The following SNRK variants were observed in gnomAD, a reference collection of about 807,000 sequenced individuals.
SNRK encodes the protein SNF-related serine/threonine-protein kinase.
A neutral mutation model predicts 48.2 loss-of-function variants in SNRK; 3 were observed. The observed-to-expected ratio is 0.06, with a 90% CI of 0.03 to 0.16. The LOEUF (loss-of-function observed/expected upper bound fraction) is 0.16, where lower values mean the gene tolerates loss of function less well. SNRK is among the 10% of genes least tolerant of loss of function. SNRK has a pLI of 1.00. For synonymous variants in SNRK, 376 were observed against 366.1 expected (o/e 1.03, Z -0.31); for missense variants, 627 against 976.0 (o/e 0.64, Z 4.76).
Position 43,346,793 on chromosome 3 carries a change from G to T in SNRK, c.1080-546G>T, listed in dbSNP as rs1456026105. 4 of 152,034 alleles carry T rather than the reference G, an allele frequency of 2.6e-5. No homozygotes were observed. The East Asian group carries it at 7.7e-4, about 29-fold the overall frequency. 9.4% of individuals were successfully genotyped at this position (152,034 alleles called of 1,614,324 possible). ...CTTAGTTTTTTTTAATTGGAGAAGA[G>T]ATTTTTATATGTTTTTGTATGATGT... On this transcript the variant is annotated intron_variant, in intron 6 of 6. Coordinates refer to ENST00000296088, the MANE Select transcript of SNRK (RefSeq NM_017719.5).
At chr3:43,307,891 A>G (rs1329506776) in intron 3 of SNRK, among the ~76,000 whole-genome samples, 1 of 152,246 alleles carries the variant, frequency 6.6e-6, no homozygotes, top group Admixed American at 6.5e-5. Context: ...ACTGAAAGCT[A>G]GGCTTCTTGC....
At chr3:43,341,913 A>G (rs909837200) in intron 5 of SNRK, among the ~76,000 whole-genome samples, 10 of 152,246 alleles carry the variant, frequency 6.6e-5, no homozygotes, top group South Asian at 2.1e-4. Flanking sequence ...ACAATTTTCT[A>G]TAAGTTTCCA....
chr3:43,343,615 C>A, intron 6 of SNRK, 137 bp downstream of exon 6: 1 of 915,114 alleles, frequency 1.1e-6, no homozygotes. Flanking sequence ...GGAGAGGCCA[C>A]ACACGGGCTC....
At chr3:43,337,237 C>G (rs1043637331) in intron 4 of SNRK, among the ~76,000 whole-genome samples, 3 of 151,870 alleles carry the variant, frequency 2.0e-5, no homozygotes, top group East Asian at 1.9e-4. Context: ...CCACATCTGG[C>G]TAATTTTTTG....
At chr3:43,289,996 A>G (rs1383490423) in intron 1 of SNRK, among the ~76,000 whole-genome samples, 1 of 152,182 alleles carries the variant, frequency 6.6e-6, no homozygotes, top group Non-Finnish European at 1.5e-5. Context: ...CTCTTGACTA[A>G]TATTTGCCTG....
At chr3:43,326,558 G>T in intron 3 of SNRK, among the ~76,000 whole-genome samples, 1 of 152,110 alleles carries the variant, frequency 6.6e-6, no homozygotes, top group Admixed American at 6.6e-5. Context: ...AAATTGTTAG[G>T]TAGCCCAGGT....
At chr3:43,300,161 C>T (rs10865932) in intron 2 of SNRK, among the ~76,000 whole-genome samples, 115,732 of 151,940 alleles carry the variant, frequency 0.76, 49,187 homozygotes, top group Non-Finnish European at 0.94. Context: ...GATTGTTTCA[C>T]TATAGGGTAC....
At chr3:43,328,915 A>AGCAGG (rs1446612069) in intron 3 of SNRK, among the ~76,000 whole-genome samples, 2 of 152,210 alleles carry the variant, frequency 1.3e-5, no homozygotes, top group African/African-American at 2.4e-5. Context: ...CCACAGATGA[A>AGCAGG]GCAGGGCAGG....
intron 1 of SNRK, among the ~76,000 whole-genome samples, chr3:43,290,394 G>C (rs1005144409): frequency 6.6e-6 from 1 of 152,190 alleles, no homozygotes; most frequent in African/African-American, 2.4e-5. Context: ...CTGCTAGCAT[G>C]TTGTAGATGT....
chr3:43,345,835 G>A (rs566481363), intron 6 of SNRK, among the ~76,000 whole-genome samples: 2 of 152,336 alleles, frequency 1.3e-5, no homozygotes, highest in South Asian at 4.1e-4. Context: ...TTCTGTTTCA[G>A]ATATAGTAGC....
chr3:43,338,431 T>C (rs899115741), intron 4 of SNRK, among the ~76,000 whole-genome samples: 1 of 152,250 alleles, frequency 6.6e-6, no homozygotes, highest in Non-Finnish European at 1.5e-5. Flanking sequence ...CCATTGTTGC[T>C]GTTGAGAAGT....
intron 5 of SNRK, 32 bp from the exon 6 acceptor site, chr3:43,343,312 G>A (rs2091251441): frequency 3.2e-6 from 5 of 1,560,346 alleles, no homozygotes; most frequent in Non-Finnish European, 4.3e-6. Flanking sequence ...TCCTGATATG[G>A]CTGACGTTTG....
Position 43,303,217 on chromosome 3 carries a change from A to T in SNRK, c.14A>T (p.Lys5Met), listed in dbSNP as rs2090911554. The T allele has an allele frequency of 6.2e-7, 1 of 1,612,836 alleles. No homozygotes were observed. The highest frequency in any genetic ancestry group is 8.5e-7 in the Non-Finnish European group (1 of 1,178,922). MAGF[K>M]RGYDGKIAGL... ...TGTTGGACCAGCATGGCAGGATTTA[A>T]GCGAGGGTATGATGGAAAGATTGCT... The change falls in exon 3 of 7, where the codon AAG (lysine) becomes ATG (methionine). Residue 5 changes from lysine (K) to methionine (M), a missense_variant. By Grantham distance (95) the Lys-to-Met change is moderately conservative. Around this residue, in one of 4 missense-constraint regions of SNRK, gnomAD observed 147 missense variants for 356.8 expected, o/e 0.41. Transcript: ENST00000296088. This position sits in a 1 kb window ranked among gnomAD's most constrained non-coding sequence, Gnocchi z 6.2.
intron 1 of SNRK, among the ~76,000 whole-genome samples, chr3:43,296,634 T>G (rs2090858146): frequency 6.6e-6 from 1 of 152,068 alleles, no homozygotes. Context: ...CAGGCAGAGC[T>G]GCCTTTGTTG....
At chr3:43,320,910 A>G (rs2091048677) in intron 3 of SNRK, among the ~76,000 whole-genome samples, 1 of 144,178 alleles carries the variant, frequency 6.9e-6, no homozygotes, top group South Asian at 2.2e-4. Flanking sequence ...CCAAAACTTT[A>G]CAAACATGAT....
intron 3 of SNRK, among the ~76,000 whole-genome samples, chr3:43,327,665 T>A (rs936473688): frequency 6.6e-6 from 1 of 151,906 alleles, no homozygotes; most frequent in African/African-American, 2.4e-5. Context: ...TGAAGTCCCC[T>A]CCCCACCCTG....
At chr3:43,322,586 A>T (rs537101745) in intron 3 of SNRK, among the ~76,000 whole-genome samples, 1 of 152,358 alleles carries the variant, frequency 6.6e-6, no homozygotes, top group South Asian at 2.1e-4. Flanking sequence ...ACTAGCCAGT[A>T]AAAGAAGAAA....
intron 3 of SNRK, among the ~76,000 whole-genome samples, chr3:43,331,953 T>C (rs976672222): frequency 1.3e-5 from 2 of 152,248 alleles, no homozygotes; most frequent in African/African-American, 4.8e-5. Context: ...CGAACATTTA[T>C]TGACCATTCA....
chr3:43,344,237 T>C (rs913307348), intron 6 of SNRK, among the ~76,000 whole-genome samples: 1 of 152,010 alleles, frequency 6.6e-6, no homozygotes, highest in Non-Finnish European at 1.5e-5. Context: ...GCCTTCCCAC[T>C]TTGCTTTTCT....
Sources: allele counts gnomAD v4.1 joint callset (sites outside exome capture counted in the v4.1 genomes callset), GRCh38; gene constraint gnomAD v4.1.1; regional missense constraint gnomAD v4.1.1; non-coding constraint Gnocchi (gnomAD v3.1); transcripts MANE v1.5; gene names NCBI Gene and HGNC (gene_info 2026-07-23, HGNC 2026-07-21).